The following SGCA variants were observed in gnomAD, a reference collection of about 807,000 sequenced individuals.
The protein encoded by SGCA is alpha-sarcoglycan.
SGCA carries 34 observed loss-of-function variants against 38.1 expected under a neutral mutation model. That is an observed-to-expected ratio of 0.89 (90% confidence interval 0.68 to 1.19). The LOEUF is 1.19. SGCA is among the 50% of genes most tolerant of loss of function. SGCA has a pLI of 0.00. For missense variants in SGCA, 476 were observed against 524.9 expected, an observed-to-expected ratio of 0.91 and a Z score of 0.91; for synonymous variants, 209 against 214.6, an observed-to-expected ratio of 0.97 and a Z score of 0.23.
intron 8 of SGCA, 156 bp from the exon 9 acceptor site, chr17:50,175,100 TA>T (rs1905816776): frequency 5.2e-6 from 4 of 765,762 alleles, no homozygotes; most frequent in Non-Finnish European, 8.9e-6. Flanking sequence ...CCCGGCCCCA[TA>T]GAGCTTTCTG....
chr17:50,169,498 C>A, intron 6 of SGCA: 2 of 547,438 alleles, frequency 3.7e-6, no homozygotes, highest in South Asian at 4.6e-5. Flanking sequence ...CCGCAATCCG[C>A]ATGTGGGGTC....
At chr17:50,168,629 C>T in intron 5 of SGCA, 57 bp downstream of exon 5, 2 of 1,479,346 alleles carry the variant, frequency 1.4e-6, no homozygotes, top group Non-Finnish European at 1.8e-6. Flanking sequence ...TTGTGGCGGG[C>T]ATAGAACAAG....
In SGCA at chr17:50,167,690, T is replaced by C. The variant is rs1435014211; in HGVS notation, c.266T>C (p.Leu89Pro). The part of the protein sequence containing the change: ...TQRSPHHPGF[L>P]YGSATPEDRG... ...CGCAGCCCCCACCACCCTGGCTTCC[T>C]CTACGGCTCTGCCACCCCAGAAGAT... The change falls in exon 3 of 10, where the codon CTC (leucine) becomes CCC (proline). Residue 89 changes from leucine (L) to proline (P), a missense_variant. Coordinates refer to ENST00000262018, the MANE Select transcript of SGCA (RefSeq NM_000023.4). The surrounding 1 kb of genome is among the most constrained non-coding windows in gnomAD (Gnocchi z 4.5). 6.2e-7 allele frequency: 1 copy of C among 1,613,574 alleles called. No individual in the cohort carries two copies. Among genetic ancestry groups the C allele is most frequent in the Non-Finnish European group, 8.5e-7 (1 of 1,179,640 alleles).
At chr17:50,173,816 T>G (rs955539544) in intron 8 of SGCA, among the ~76,000 whole-genome samples, 1 of 152,212 alleles carries the variant, frequency 6.6e-6, no homozygotes, top group Non-Finnish European at 1.5e-5. Context: ...CACCTCTTCC[T>G]GCTGGCCTCC....
intron 8 of SGCA, 125 bp from the exon 9 acceptor site, chr17:50,175,132 C>CATAAGACACATAAGACACACCACTT (rs1905821022): frequency 1.1e-6 from 1 of 892,344 alleles, no homozygotes. Context: ...GCCCCTGCAT[C>CATAAGACACATAAGACACACCACTT]ATGTGTCTGA....
intron 6 of SGCA, chr17:50,169,645 A>G (rs144932150): frequency 4.4e-4 from 141 of 322,008 alleles, no homozygotes; most frequent in African/African-American, 2.7e-3. Flanking sequence ...AAACCCACTT[A>G]CAACAAGGAT....
chr17:50,166,678 C>A lies in SGCA; in HGVS notation c.37+601C>A, dbSNP rs905375419. Among the ~76,000 whole-genome samples the A allele has an allele frequency of 7.0e-4, 99 of 142,374 alleles. No homozygotes were observed. In the South Asian group the frequency reaches 7.3e-3, roughly 10 times the overall value. 93.4% of individuals were successfully genotyped at this position (142,374 alleles called of 152,430 possible). A position where few individuals can be genotyped will look rare whatever the true frequency, so the allele number is the denominator to read the frequency against. ...TACACACCCTCACACACACACACAC[C>A]CACACACACCCTCACACACACCCTC... On this transcript the variant is annotated intron_variant, in intron 1 of 9. Coordinates refer to ENST00000262018, the MANE Select transcript of SGCA (RefSeq NM_000023.4).
At chr17:50,172,014 G>A in intron 8 of SGCA, 1 of 456,422 alleles carries the variant, frequency 2.2e-6, no homozygotes, top group Non-Finnish European at 4.4e-6. Flanking sequence ...GTGGCGAAGT[G>A]CCTTTCTGCT....
rs1356346713 is a variant in SGCA, at chr17:50,167,512, G to A, written c.157+25G>A. The A allele has an allele frequency of 1.9e-6, 3 of 1,614,012 alleles. No homozygotes were observed. Among genetic ancestry groups the A allele is most frequent in the African/African-American group, 1.3e-5 (1 of 74,914 alleles). On this transcript the variant is annotated intron_variant, in intron 2 of 9. Coordinates refer to ENST00000262018, the MANE Select transcript of SGCA (RefSeq NM_000023.4). This position sits in a 1 kb window ranked among gnomAD's most constrained non-coding sequence, Gnocchi z 4.5. ...GGTGAGCGGCCTGACAGGCACCCAG[G>A]CGGGCGGGCTGGGGTGTACCCCGCA...
rs545540954 is a variant in SGCA, at chr17:50,167,029, A to G, written c.38-339A>G. Among the ~76,000 whole-genome samples the G allele has an allele frequency of 9.7e-6, 1 of 102,680 alleles. No homozygotes were observed. Among genetic ancestry groups the G allele is most frequent in the Non-Finnish European group, 2.0e-5 (1 of 49,650 alleles). 67.4% of individuals were successfully genotyped at this position (102,680 alleles called of 152,430 possible). A position where few individuals can be genotyped will look rare whatever the true frequency, so the allele number is the denominator to read the frequency against. Reference sequence around the variant, plus strand: ...CCCTCACACATACCTTCACACACACACCCCCCCACATCCCCTCACACACAC... The same window carrying G: ...CCCTCACACATACCTTCACACACACGCCCCCCCACATCCCCTCACACACAC... On this transcript the variant is annotated intron_variant, in intron 1 of 9. Transcript: ENST00000262018. This position sits in a 1 kb window ranked among gnomAD's most constrained non-coding sequence, Gnocchi z 4.5.
intron 8 of SGCA, among the ~76,000 whole-genome samples, chr17:50,171,254 C>G (rs1905366893): frequency 1.3e-5 from 2 of 152,216 alleles, no homozygotes; most frequent in Admixed American, 1.3e-4. Flanking sequence ...CCTGCAAGAT[C>G]ACGAGGTTGG....
At chr17:50,175,182 G>C in intron 8 of SGCA, 75 bp from the exon 9 acceptor site, 1 of 1,402,640 alleles carries the variant, frequency 7.1e-7, no homozygotes, top group Non-Finnish European at 9.8e-7. Context: ...CCGCAGGGTG[G>C]CTCAGAGGCA....
intron 6 of SGCA, 26 bp from the exon 7 acceptor site, chr17:50,170,117 G>GC (rs1267199141): frequency 3.1e-6 from 5 of 1,607,526 alleles, no homozygotes; most frequent in Non-Finnish European, 4.3e-6. Flanking sequence ...GCCACTTCCT[G>GC]CGTCAGCCCT....
chr17:50,172,005 T>G, intron 8 of SGCA: 1 of 456,558 alleles, frequency 2.2e-6, no homozygotes, highest in Non-Finnish European at 4.4e-6. Context: ...ATGGAGACAG[T>G]GGCGAAGTGC....
Position 50,167,751 on chromosome 17 carries a change from C to T in SGCA, c.312+15C>T. 6.2e-7 allele frequency: 1 copy of T among 1,603,732 alleles called. No individual in the cohort carries two copies. The highest frequency in any genetic ancestry group is 8.5e-7 in the Non-Finnish European group (1 of 1,173,504). On this transcript the variant is annotated intron_variant, in intron 3 of 9. Transcript: ENST00000262018. This position sits in a 1 kb window ranked among gnomAD's most constrained non-coding sequence, Gnocchi z 4.5. The stretch of plus-strand genomic sequence containing the variant: ...AGGTCATTGAGGTGCCGTCAGGGAC[C>T]CTGAGAAAATCACAGGGGTGGGCCA...
At chr17:50,169,450 T>C in intron 6 of SGCA, 196 bp downstream of exon 6, 1 of 444,094 alleles carries the variant, frequency 2.3e-6, no homozygotes, top group South Asian at 2.8e-5. Context: ...CACACACCCC[T>C]GAAGTTCTAC....
At chr17:50,172,988 T>C (rs553938029) in intron 8 of SGCA, among the ~76,000 whole-genome samples, 1 of 152,368 alleles carries the variant, frequency 6.6e-6, no homozygotes, top group Non-Finnish European at 1.5e-5. Flanking sequence ...GAACCAAATT[T>C]AAACACTAAC....
intron 5 of SGCA, 127 bp downstream of exon 5, chr17:50,168,699 C>A (rs955065567): frequency 3.7e-6 from 3 of 812,344 alleles, no homozygotes; most frequent in Non-Finnish European, 6.1e-6. Context: ...CAGCTTCACA[C>A]CCCTCACCAC....
chr17:50,170,483 C>T, intron 7 of SGCA, 132 bp downstream of exon 7: 3 of 1,353,174 alleles, frequency 2.2e-6, no homozygotes, highest in Non-Finnish European at 3.1e-6. Context: ...GAGTGTGGGG[C>T]CCCTTTCTAG....
Sources: gnomAD v4.1 joint callset for allele counts (sites outside exome capture counted in the v4.1 genomes callset) on GRCh38, gnomAD v4.1.1 for gene constraint, Gnocchi (gnomAD v3.1) non-coding constraint, MANE v1.5 for transcripts, NCBI Gene and HGNC (gene_info 2026-07-23, HGNC 2026-07-21) for gene names.